LYPD6: variants seen among roughly 807,000 people sequenced by gnomAD.
LYPD6 encodes the protein ly6/PLAUR domain-containing protein 6.
In LYPD6, 15 loss-of-function variants were observed where a neutral mutation model predicts 22.7. The observed-to-expected ratio is 0.66, with a 90% confidence interval of 0.44 to 1.02. The LOEUF (loss-of-function observed/expected upper bound fraction) is 1.02. Ranked by LOEUF, LYPD6 falls within the 50% of genes least tolerant of loss-of-function variation. The pLI, the probability that LYPD6 is intolerant of heterozygous loss-of-function variation, is 0.00. For missense variants in LYPD6, 189 were observed against 208.4 expected (o/e 0.91, Z 0.57); for synonymous variants, 72 against 77.5 (o/e 0.93, Z 0.37).
At chr2:149,475,797 C>T (rs1288976079), downstream of LYPD6, among the ~76,000 whole-genome samples, 3 of 152,136 alleles carry the variant, frequency 2.0e-5, no homozygotes, top group Admixed American at 1.3e-4. Flanking sequence ...TACCTTGCTT[C>T]GGTTAATCAG....
intron 1 of LYPD6, among the ~76,000 whole-genome samples, chr2:149,406,757 G>C (rs2105116478): frequency 6.6e-6 from 1 of 151,864 alleles, no homozygotes; most frequent in Non-Finnish European, 1.5e-5. Context: ...TGTTATGTGT[G>C]AATTTGATCC....
intron 3 of LYPD6, chr2:149,464,171 G>A (rs546076120): frequency 2.0e-5 from 8 of 394,220 alleles, no homozygotes; most frequent in South Asian, 1.6e-4. Flanking sequence ...CAGGAACCAT[G>A]ATCTAGAAGA....
At chr2:149,453,551 C>T (rs531989807) in intron 3 of LYPD6, among the ~76,000 whole-genome samples, 1 of 152,134 alleles carries the variant, frequency 6.6e-6, no homozygotes, top group African/African-American at 2.4e-5. Context: ...ATTCTTTTGG[C>T]TCCAGCTTCT....
At chr2:149,338,800 C>T (rs1471190162) in intron 1 of LYPD6, among the ~76,000 whole-genome samples, 1 of 152,140 alleles carries the variant, frequency 6.6e-6, no homozygotes, top group Non-Finnish European at 1.5e-5. Flanking sequence ...GTAGATTGTT[C>T]TCCAATATTA....
chr2:149,431,497 CCA>C (rs2105143620), intron 1 of LYPD6, among the ~76,000 whole-genome samples: 1 of 152,264 alleles, frequency 6.6e-6, no homozygotes, highest in African/African-American at 2.4e-5. Flanking sequence ...TGAATGCATG[CCA>C]CTCATTTTTC....
intron 1 of LYPD6, among the ~76,000 whole-genome samples, chr2:149,404,993 A>G (rs989817372): frequency 1.3e-5 from 2 of 152,148 alleles, no homozygotes; most frequent in African/African-American, 4.8e-5. Flanking sequence ...TGAGATAATC[A>G]TGTGGTTTTT....
chr2:149,356,596 G>A (rs1681454567), intron 1 of LYPD6, among the ~76,000 whole-genome samples: 1 of 152,106 alleles, frequency 6.6e-6, no homozygotes, highest in Admixed American at 6.6e-5. Flanking sequence ...AGAATTTCTG[G>A]GTTGGTGATT....
chr2:149,378,934 G>T (rs934724385), intron 1 of LYPD6, among the ~76,000 whole-genome samples: 1 of 152,144 alleles, frequency 6.6e-6, no homozygotes, highest in Admixed American at 6.6e-5. Context: ...AAAAAGTACT[G>T]GTTGTCAAAT....
At chr2:149,364,505 T>G (rs1201446144) in intron 1 of LYPD6, among the ~76,000 whole-genome samples, 1 of 152,000 alleles carries the variant, frequency 6.6e-6, no homozygotes, top group Non-Finnish European at 1.5e-5. Context: ...TGTTTACTTG[T>G]CAGATATTCC....
chr2:149,391,796 A>G (rs915223745), intron 1 of LYPD6, among the ~76,000 whole-genome samples: 14 of 152,164 alleles, frequency 9.2e-5, no homozygotes, highest in Non-Finnish European at 1.9e-4. Flanking sequence ...GGTGTATTAG[A>G]AGGAAATGTG....
At chr2:149,368,683 G>A (rs1259533996) in intron 1 of LYPD6, among the ~76,000 whole-genome samples, 1 of 152,208 alleles carries the variant, frequency 6.6e-6, no homozygotes. Flanking sequence ...AGTAGAGAAG[G>A]ATTGGAGGGG....
At chr2:149,402,459 C>T (rs1211443774) in intron 1 of LYPD6, among the ~76,000 whole-genome samples, 1 of 152,206 alleles carries the variant, frequency 6.6e-6, no homozygotes, top group Non-Finnish European at 1.5e-5. Flanking sequence ...TTAGGAATCT[C>T]CACACTGTTT....
intron 1 of LYPD6, among the ~76,000 whole-genome samples, chr2:149,359,908 A>G (rs1171881728): frequency 6.6e-6 from 1 of 152,190 alleles, no homozygotes; most frequent in African/African-American, 2.4e-5. Flanking sequence ...TTATTAAGGA[A>G]GAAAATAAAC....
chr2:149,425,643 G>A (rs1444864089), intron 1 of LYPD6, among the ~76,000 whole-genome samples: 1 of 152,106 alleles, frequency 6.6e-6, no homozygotes, highest in African/African-American at 2.4e-5. Flanking sequence ...ATTATATTCT[G>A]CTTTGCTACA....
chr2:149,343,153 G>A (rs1377266332), intron 1 of LYPD6, among the ~76,000 whole-genome samples: 1 of 152,122 alleles, frequency 6.6e-6, no homozygotes, highest in African/African-American at 2.4e-5. Flanking sequence ...AGAGAAGCAA[G>A]CAGACTCATT....
At chr2:149,445,897 G>T (rs1683676550) in intron 2 of LYPD6, among the ~76,000 whole-genome samples, 1 of 152,178 alleles carries the variant, frequency 6.6e-6, no homozygotes, top group Non-Finnish European at 1.5e-5. Flanking sequence ...GGCACAAGAG[G>T]CCTAGCTCTC....
chr2:149,389,291 G>T (rs555077771), intron 1 of LYPD6, among the ~76,000 whole-genome samples: 2 of 152,202 alleles, frequency 1.3e-5, no homozygotes, highest in South Asian at 2.1e-4. Flanking sequence ...TATACAGGGT[G>T]GGGGAGAGTT....
intron 2 of LYPD6, among the ~76,000 whole-genome samples, chr2:149,440,835 G>A (rs1004098923): frequency 4.6e-5 from 7 of 150,928 alleles, no homozygotes; most frequent in African/African-American, 1.7e-4. Flanking sequence ...CGAGAAGCTG[G>A]GACTACAGGT....
intron 1 of LYPD6, among the ~76,000 whole-genome samples, chr2:149,407,008 A>T (rs1559140835): frequency 6.6e-6 from 1 of 151,848 alleles, no homozygotes. Context: ...GTTTGGCTGG[A>T]TATGAAATTC....
Sources: gnomAD v4.1 joint callset for allele counts (sites outside exome capture counted in the v4.1 genomes callset) on GRCh38, gnomAD v4.1.1 for gene constraint, MANE v1.5 for transcripts, NCBI Gene and HGNC (gene_info 2026-07-23, HGNC 2026-07-21) for gene names.